Variants in CDH12 observed in about 807,000 individuals in gnomAD.
CDH12 encodes cadherin 12.
In CDH12, 41 loss-of-function variants were observed where a neutral mutation model predicts 74.1. The observed-to-expected ratio is 0.55, with a 90% CI of 0.43 to 0.72. The LOEUF is 0.72. Among genes scored for constraint, CDH12 ranks in the 30% least tolerant of loss-of-function variants. The pLI, the probability that CDH12 is intolerant of heterozygous loss-of-function variation, is 0.00. For missense variants in CDH12, 945 were observed against 977.2 expected (o/e 0.97, Z 0.44); for synonymous variants, 399 against 355.0 (o/e 1.12, Z -1.39).
chr5:22,798,627 A>T (rs764496541), intron 1 of CDH12, among the ~76,000 whole-genome samples: 1 of 152,078 alleles, frequency 6.6e-6, no homozygotes, highest in Non-Finnish European at 1.5e-5. Context: ...AACAAAATGA[A>T]CTCAAAAGCA....
chr5:22,563,728 G>A (rs918366355), intron 1 of CDH12, among the ~76,000 whole-genome samples: 1 of 152,118 alleles, frequency 6.6e-6, no homozygotes, highest in Non-Finnish European at 1.5e-5. Flanking sequence ...TACAAAAGAG[G>A]TTCATTGGAC....
At chr5:21,752,348 G>C (rs1364551669) in intron 14 of CDH12, 112 bp from the exon 15 acceptor site, 5 of 851,506 alleles carry the variant, frequency 5.9e-6, no homozygotes, top group Non-Finnish European at 9.1e-6. Flanking sequence ...ATGACCTCCT[G>C]TTACTTTCAT....
At chr5:21,912,368 T>G (rs1753895164) in intron 6 of CDH12, among the ~76,000 whole-genome samples, 1 of 152,086 alleles carries the variant, frequency 6.6e-6, no homozygotes, top group Non-Finnish European at 1.5e-5. Flanking sequence ...CGCCTTTACA[T>G]TCAGTCAGGT....
At chr5:22,151,667 A>C (rs1475606064) in intron 4 of CDH12, among the ~76,000 whole-genome samples, 3 of 152,120 alleles carry the variant, frequency 2.0e-5, no homozygotes, top group Non-Finnish European at 4.4e-5. Context: ...TTTAAAAGTA[A>C]TTTTCCCCTC....
At chr5:22,639,171 A>ATAC (rs1739006506) in intron 1 of CDH12, among the ~76,000 whole-genome samples, 1 of 150,798 alleles carries the variant, frequency 6.6e-6, no homozygotes, top group Admixed American at 6.6e-5. Flanking sequence ...AGTGGAAAGG[A>ATAC]TACTTCAGGG....
At chr5:22,283,852 T>C (rs1300184121) in intron 3 of CDH12, among the ~76,000 whole-genome samples, 3 of 152,160 alleles carry the variant, frequency 2.0e-5, no homozygotes, top group African/African-American at 7.2e-5. Context: ...TGTATGTGTA[T>C]ATTAAAACAT....
chr5:22,456,768 T>G (rs1332668577), intron 2 of CDH12, among the ~76,000 whole-genome samples: 2 of 152,150 alleles, frequency 1.3e-5, no homozygotes, highest in African/African-American at 4.8e-5. Context: ...GACACACTTT[T>G]CTCTAGCTTA....
chr5:21,788,559 A>G (rs1746321563), intron 10 of CDH12, among the ~76,000 whole-genome samples: 1 of 152,182 alleles, frequency 6.6e-6, no homozygotes, highest in Non-Finnish European at 1.5e-5. Context: ...GAAACTCTCA[A>G]ATACAACTGA....
At chr5:22,454,270 G>A (rs938590267) in intron 2 of CDH12, among the ~76,000 whole-genome samples, 11 of 151,980 alleles carry the variant, frequency 7.2e-5, no homozygotes, top group Admixed American at 2.0e-4. Flanking sequence ...TTAGTCTTTC[G>A]TATATCATAG....
At chr5:22,263,015 A>G (rs1753579054) in intron 3 of CDH12, among the ~76,000 whole-genome samples, 1 of 151,894 alleles carries the variant, frequency 6.6e-6, no homozygotes, top group African/African-American at 2.4e-5. Context: ...ACCCCATCAA[A>G]AAGTGGGCGA....
intron 6 of CDH12, among the ~76,000 whole-genome samples, chr5:21,914,660 G>T (rs568079591): frequency 5.3e-5 from 8 of 152,102 alleles, no homozygotes; most frequent in Non-Finnish European, 1.2e-4. Context: ...TTTCTTTCTT[G>T]TCAGGAAACC....
At chr5:21,883,407 A>T (rs926713862) in intron 6 of CDH12, 283 of 1,564,884 alleles carry the variant, frequency 1.8e-4, no homozygotes, top group Non-Finnish European at 1.9e-4. Context: ...GCCTTTGGTG[A>T]TAATCGCTGA....
intron 1 of CDH12, among the ~76,000 whole-genome samples, chr5:22,789,037 T>C (rs548990121): frequency 6.6e-6 from 1 of 152,162 alleles, no homozygotes; most frequent in East Asian, 1.9e-4. Flanking sequence ...CAATAAGTAT[T>C]AGTCAAATGA....
intron 2 of CDH12, among the ~76,000 whole-genome samples, chr5:22,430,139 AT>A (rs1299276025): frequency 6.6e-6 from 1 of 152,104 alleles, no homozygotes; most frequent in Non-Finnish European, 1.5e-5. Flanking sequence ...ATGGGGAGTG[AT>A]TTTCTGCTAA....
rs188574777 is a variant in CDH12, at chr5:22,096,780, C to A, written c.-186-17918G>T. On this transcript the variant is annotated intron_variant, in intron 4 of 14. Coordinates refer to ENST00000382254, the MANE Select transcript of CDH12 (RefSeq NM_004061.5). Reference sequence around the variant, plus strand: ...CAGTTCATGGCCCCTTTAGCAGCAACCCTGAGATGCTTTACAGCCCTAGAC... The same window carrying A: ...CAGTTCATGGCCCCTTTAGCAGCAAACCTGAGATGCTTTACAGCCCTAGAC... Among the ~76,000 whole-genome samples, 325 of 152,220 alleles carry A rather than the reference C, an allele frequency of 2.1e-3. 1 individual carries two copies. The highest frequency in any genetic ancestry group is 7.4e-3 in the African/African-American group (308 of 41,524).
intron 3 of CDH12, among the ~76,000 whole-genome samples, chr5:22,380,618 T>C (rs1741720473): frequency 6.6e-6 from 1 of 152,162 alleles, no homozygotes; most frequent in Admixed American, 6.5e-5. Flanking sequence ...ACACGCATTT[T>C]CTTAAAACTA....
chr5:22,096,680 T>G (rs1344000073), intron 4 of CDH12, among the ~76,000 whole-genome samples: 2 of 152,088 alleles, frequency 1.3e-5, no homozygotes, highest in African/African-American at 4.8e-5. Flanking sequence ...AGTTTAATGC[T>G]CCTTTTTCTT....
intron 2 of CDH12, among the ~76,000 whole-genome samples, chr5:22,426,699 T>A (rs1016415612): frequency 2.0e-5 from 3 of 152,176 alleles, no homozygotes; most frequent in African/African-American, 7.2e-5. Context: ...TATCAATCAG[T>A]TTGAACAATT....
intron 1 of CDH12, among the ~76,000 whole-genome samples, chr5:22,601,108 C>T (rs976100833): frequency 6.6e-6 from 1 of 152,002 alleles, no homozygotes; most frequent in Non-Finnish European, 1.5e-5. Context: ...TATATTTGAA[C>T]ACATTTAAAC....
Sources: gnomAD v4.1 joint callset for allele counts (sites outside exome capture counted in the v4.1 genomes callset) on GRCh38, gnomAD v4.1.1 for gene constraint, MANE v1.5 for transcripts, NCBI Gene and HGNC (gene_info 2026-07-23, HGNC 2026-07-21) for gene names.